The following ANKRD22 variants were observed in gnomAD, a reference collection of about 807,000 sequenced individuals.
ANKRD22 encodes ankyrin repeat domain 22.
ANKRD22 carries 24 observed loss-of-function variants against 25.7 expected under a neutral mutation model. The observed-to-expected ratio is 0.93, with a 90% confidence interval of 0.68 to 1.31. The LOEUF is 1.31. Ranked by LOEUF, ANKRD22 falls within the 50% of genes most tolerant of loss-of-function variation. The probability of loss-of-function intolerance (pLI) is 0.00; values close to 1 mark genes in which losing one functional copy is unlikely to be tolerated. For synonymous variants in ANKRD22, 84 were observed against 84.3 expected (o/e 1.00, Z 0.02); for missense variants, 214 against 227.1 (o/e 0.94, Z 0.37).
At chr10:88,841,360 A>G (rs958604552) in intron 1 of ANKRD22, among the ~76,000 whole-genome samples, 7 of 152,106 alleles carry the variant, frequency 4.6e-5, no homozygotes, top group African/African-American at 1.7e-4. Flanking sequence ...ATCCAGTTCT[A>G]CAAAAGGAGG....
chr10:88,847,928 T>G (rs1844066966), intron 1 of ANKRD22, among the ~76,000 whole-genome samples: 1 of 151,842 alleles, frequency 6.6e-6, no homozygotes, highest in South Asian at 2.1e-4. Context: ...AACTGGGTGT[T>G]CAAGAAAAAG....
In ANKRD22 at chr10:88,820,267, G is replaced by C; in HGVS notation, c.*2674C>G. On this transcript the variant is annotated 3_prime_UTR_variant, in exon 6 of 6. Transcript: ENST00000371930. ...TAAGGTACAGAGTCAGAGATATGACGGTCCCTACAGCAATGTGGACAGGAG... is the reference window on the plus strand; with the variant it reads ...TAAGGTACAGAGTCAGAGATATGACCGTCCCTACAGCAATGTGGACAGGAG... 1.9e-6 allele frequency: 3 copies of C among 1,551,666 alleles called. No individual in the cohort carries two copies. Among genetic ancestry groups the C allele is most frequent in the South Asian group, 2.4e-5 (2 of 84,052 alleles).
In ANKRD22 at chr10:88,820,644, A is replaced by AT. The variant is rs915504126; in HGVS notation, c.*2296dup. The AT allele has an allele frequency of 5.0e-5, 38 of 765,540 alleles. No individual in the cohort carries two copies. The highest frequency in any genetic ancestry group is 3.8e-4 in the Middle Eastern group (1 of 2,610). 47.4% of individuals were successfully genotyped at this position (765,540 alleles called of 1,614,324 possible). Reference sequence around the variant, plus strand: ...CACTAAATCCGACACTTACATTTACATTTTTTTTCTGTAAATTAAAGTACT... The same window carrying AT: ...CACTAAATCCGACACTTACATTTACATTTTTTTTTCTGTAAATTAAAGTACT... On this transcript the variant is annotated 3_prime_UTR_variant, in exon 6 of 6. Coordinates refer to ENST00000371930, the MANE Select transcript of ANKRD22 (RefSeq NM_144590.3).
chr10:88,833,923 C>T (rs1262564156), intron 1 of ANKRD22, among the ~76,000 whole-genome samples: 2 of 152,228 alleles, frequency 1.3e-5, no homozygotes, highest in Non-Finnish European at 2.9e-5. Flanking sequence ...AATTGTGGCT[C>T]TGTTACTACC....
chr10:88,834,744 G>GA (rs1564604765), intron 1 of ANKRD22, among the ~76,000 whole-genome samples: 4 of 152,090 alleles, frequency 2.6e-5, no homozygotes, highest in African/African-American at 9.7e-5. Flanking sequence ...AGATCAGCCT[G>GA]GCCAACATGG....
chr10:88,847,267 T>C (rs546475857), intron 1 of ANKRD22, among the ~76,000 whole-genome samples: 9 of 135,732 alleles, frequency 6.6e-5, no homozygotes, highest in South Asian at 4.4e-4. Flanking sequence ...TTTTTTATTG[T>C]TACTTTTTTG....
At position 88,851,472 on chromosome 10, in the gene ANKRD22, C is replaced by T. The variant is rs530254496; in HGVS notation, c.21+115G>A. 2.6e-5 allele frequency: 30 copies of T among 1,133,158 alleles called. No homozygotes were observed. In the African/African-American group the frequency reaches 4.4e-4, roughly 17 times the overall value. 70.2% of individuals were successfully genotyped at this position (1,133,158 alleles called of 1,614,324 possible). On this transcript the variant is annotated intron_variant, in intron 1 of 5. Coordinates refer to ENST00000371930, the MANE Select transcript of ANKRD22 (RefSeq NM_144590.3). ...TTATTTTTTCTGACTTAATGCTCCC[C>T]CAGGGAGTTGAACAGACAAAACAGA...
At chr10:88,851,514 T>C in intron 1 of ANKRD22, 73 bp downstream of exon 1, 1 of 1,537,828 alleles carries the variant, frequency 6.5e-7, no homozygotes. Flanking sequence ...TTAACAGGGA[T>C]AGAAAATTGC....
In ANKRD22 at chr10:88,821,659, A is replaced by C. The variant is rs898426357; in HGVS notation, c.*1282T>G. On this transcript the variant is annotated 3_prime_UTR_variant, in exon 6 of 6. Coordinates refer to ENST00000371930, the MANE Select transcript of ANKRD22 (RefSeq NM_144590.3). ...TTCCTTCATAAAATAAGTTTCTTAA[A>C]TCCTGTACACAGTTGAATATATATT... Among the ~76,000 whole-genome samples, 1 of 152,198 alleles carries C rather than the reference A, an allele frequency of 6.6e-6. No individual in the cohort carries two copies. The highest frequency in any genetic ancestry group is 1.5e-5 in the Non-Finnish European group (1 of 68,024).
chr10:88,823,423 C>A (rs1303992477), intron 4 of ANKRD22, 45 bp from the exon 5 acceptor site: 2 of 1,408,180 alleles, frequency 1.4e-6, no homozygotes, highest in Non-Finnish European at 1.0e-6. Flanking sequence ...GTCGGGCCCT[C>A]CACAGACCAT....
At chr10:88,838,703 A>G (rs1843977950) in intron 1 of ANKRD22, among the ~76,000 whole-genome samples, 1 of 152,108 alleles carries the variant, frequency 6.6e-6, no homozygotes. Flanking sequence ...GCCCTGGAAT[A>G]CAGTGGACAG....
chr10:88,834,368 T>G (rs939538405), intron 1 of ANKRD22, among the ~76,000 whole-genome samples: 2 of 152,222 alleles, frequency 1.3e-5, no homozygotes, highest in African/African-American at 4.8e-5. Context: ...CAGTTCTTTA[T>G]ATTGGGTAGA....
At chr10:88,826,365 C>A (rs1291968669) in intron 3 of ANKRD22, among the ~76,000 whole-genome samples, 1 of 152,184 alleles carries the variant, frequency 6.6e-6, no homozygotes. Flanking sequence ...TCAGGTCCCA[C>A]CCCAAACCTA....
At chr10:88,825,227 C>T (rs1843845035) in intron 4 of ANKRD22, among the ~76,000 whole-genome samples, 1 of 152,218 alleles carries the variant, frequency 6.6e-6, no homozygotes, top group Non-Finnish European at 1.5e-5. Context: ...CAAATTTCCA[C>T]TTGCCTACTT....
intron 1 of ANKRD22, among the ~76,000 whole-genome samples, chr10:88,833,279 G>C (rs1279648653): frequency 6.6e-6 from 1 of 152,136 alleles, no homozygotes; most frequent in Non-Finnish European, 1.5e-5. Context: ...AAAGCATTTA[G>C]AGTAATACCT....
Position 88,823,273 on chromosome 10 carries a change from C to G in ANKRD22, c.498+7G>C. 6.2e-7 allele frequency: 1 copy of G among 1,607,606 alleles called. No individual in the cohort carries two copies. The highest frequency in any genetic ancestry group is 8.5e-7 in the Non-Finnish European group (1 of 1,174,154). Reference sequence around the variant, plus strand: ...GGAACCTCAGACCACGGTCCACCCTCCCTTACCTTATTCTTTATTGTGGGG... The same window carrying G: ...GGAACCTCAGACCACGGTCCACCCTGCCTTACCTTATTCTTTATTGTGGGG... On this transcript the variant is annotated splice_region_variant and intron_variant, in intron 5 of 5. Transcript: ENST00000371930.
rs575289419 is a variant in ANKRD22 at position 88,845,893 on chromosome 10, A to G, written c.21+5694T>C. 9.9e-5 allele frequency among the ~76,000 whole-genome samples: 15 copies of G among 152,126 alleles called. No homozygotes were observed. In the Middle Eastern group the frequency reaches 0.014, roughly 138 times the overall value. ...CCATTGTGTTTTGCATAAAATCTAAATTTTTCACCTTGGCCTACAAGACCT... is the reference window on the plus strand; with the variant it reads ...CCATTGTGTTTTGCATAAAATCTAAGTTTTTCACCTTGGCCTACAAGACCT... On this transcript the variant is annotated intron_variant, in intron 1 of 5. Transcript: ENST00000371930.
At chr10:88,834,836 T>C (rs557311107) in intron 1 of ANKRD22, among the ~76,000 whole-genome samples, 1 of 151,896 alleles carries the variant, frequency 6.6e-6, no homozygotes, top group Admixed American at 6.6e-5. Context: ...CCAGCTACTC[T>C]GGAGGCTGAG....
intron 1 of ANKRD22, among the ~76,000 whole-genome samples, chr10:88,850,071 T>C (rs1367242141): frequency 1.3e-5 from 2 of 151,744 alleles, no homozygotes; most frequent in Non-Finnish European, 2.9e-5. Flanking sequence ...CAGGCTTTTT[T>C]CTTGTCCTTA....
Sources: allele counts gnomAD v4.1 joint callset (sites outside exome capture counted in the v4.1 genomes callset), GRCh38; gene constraint gnomAD v4.1.1; transcripts MANE v1.5; gene names NCBI Gene and HGNC (gene_info 2026-07-23, HGNC 2026-07-21).